Variants in FAM120AOS observed in about 807,000 individuals in gnomAD.
FAM120AOS encodes the protein uncharacterized protein FAM120AOS.
Under a neutral mutation model 20.2 loss-of-function variants are expected in FAM120AOS, and 15 were observed. The ratio of observed to expected loss-of-function variants is 0.74; its 90% CI spans 0.50 to 1.15. The LOEUF is 1.15. Among genes scored for constraint, FAM120AOS ranks in the 50% most tolerant of loss-of-function variants. The pLI is 0.00. For synonymous variants in FAM120AOS, 154 were observed against 154.0 expected, an observed-to-expected ratio of 1.00 and a Z score of 0.00; for missense variants, 327 against 351.9, an observed-to-expected ratio of 0.93 and a Z score of 0.57.
In FAM120AOS at chr9:93,452,462, A is replaced by G; in HGVS notation, c.248T>C (p.Phe83Ser). The change falls in exon 1 of 3, where the codon TTC (phenylalanine) becomes TCC (serine). Residue 83 changes from phenylalanine to serine, a missense_variant. By Grantham distance (155) the Phe-to-Ser change is radical. This residue lies in a region of FAM120AOS where 155 missense variants were observed against 128.8 expected (regional missense o/e 1.20). Transcript: ENST00000375412. The surrounding 1 kb of genome is among the most constrained non-coding windows in gnomAD (Gnocchi z 7.0). ...CCCTATCCCCCTTCCCAGGGCGCAG[A>G]ATGTCGCCCGGCCGTGGCGGCGCTG... ...CPQRRHGRAT[F>S]CALGRGIGVR... 6.5e-7 allele frequency: 1 copy of G among 1,550,112 alleles called. No homozygotes were observed. Among genetic ancestry groups the G allele is most frequent in the South Asian group, 1.2e-5 (1 of 86,054 alleles).
chr9:93,452,514 C>T lies in FAM120AOS; in HGVS notation c.196G>A (p.Ala66Thr), dbSNP rs1466973085. The change falls in exon 1 of 3, where the codon GCA (alanine) becomes ACA (threonine). Residue 66 changes from alanine (A) to threonine (T), a missense_variant. Transcript: ENST00000375412. The surrounding 1 kb of genome is among the most constrained non-coding windows in gnomAD (Gnocchi z 7.0). Reference sequence around the variant, plus strand: ...GGGCAGCGAGTTCCCCCAGCCCTTGCCCGGGATAGCCTGGCCGGGCCGGGC... The same window carrying T: ...GGGCAGCGAGTTCCCCCAGCCCTTGTCCGGGATAGCCTGGCCGGGCCGGGC... ...LQPGPARLSRARAGGTRCPQR... is the reference protein window; with the variant it reads ...LQPGPARLSRTRAGGTRCPQR... 1.3e-6 allele frequency: 2 copies of T among 1,551,044 alleles called. No homozygotes were observed. Among genetic ancestry groups the T allele is most frequent in the Non-Finnish European group, 1.7e-6 (2 of 1,153,712 alleles).
At chr9:93,450,708 T>C (rs1232319369) in intron 1 of FAM120AOS, 109 bp from the exon 2 acceptor site, 13 of 1,500,738 alleles carry the variant, frequency 8.7e-6, no homozygotes, top group Non-Finnish European at 1.2e-5. Context: ...TAATCTCTTT[T>C]TGAAAATGTT....
At chr9:93,450,885 G>C (rs978657336) in intron 1 of FAM120AOS, 2 of 959,624 alleles carry the variant, frequency 2.1e-6, no homozygotes, top group African/African-American at 3.3e-5. Flanking sequence ...CTGCAAAGGC[G>C]CACGTTTCAG....
At position 93,450,571 on chromosome 9, in the gene FAM120AOS, G is replaced by A. The variant is rs1424047307; in HGVS notation, c.592C>T (p.Arg198Ter). The A allele has an allele frequency of 6.2e-7, 1 of 1,606,572 alleles. No homozygotes were observed. The highest frequency in any genetic ancestry group is 1.7e-5 in the Admixed American group (1 of 58,554). The change falls in exon 2 of 3, where the codon CGA becomes TGA. Residue 198 changes from arginine to a stop codon, truncating the protein, a stop_gained. Transcript: ENST00000375412. LOFTEE classifies it high-confidence loss of function. ...RNLCRGAGCN[R>*]QAVAGQLLPS... Reference sequence around the variant, plus strand: ...AGCAGCTGTCCGGCCACAGCCTGTCGGTTGCATCCTGCTCCTCTACAGAGG... The same window carrying A: ...AGCAGCTGTCCGGCCACAGCCTGTCAGTTGCATCCTGCTCCTCTACAGAGG...
Position 93,453,327 on chromosome 9 carries a change from G to T in FAM120AOS, c.-618C>A. ...TCGCAGCTGGCACTGGGCCAGAGGA[G>T]AACTTCAGGACCCAGCAGTGACTGT... On this transcript the variant is annotated 5_prime_UTR_variant, in exon 1 of 3. Coordinates refer to ENST00000375412, the MANE Select transcript of FAM120AOS (RefSeq NM_198841.4). The T allele has an allele frequency of 3.0e-6, 3 of 986,588 alleles. No homozygotes were observed. The highest frequency in any genetic ancestry group is 3.6e-6 in the Non-Finnish European group (3 of 830,678). 61.1% of individuals were successfully genotyped at this position (986,588 alleles called of 1,614,324 possible). A position where few individuals can be genotyped will look rare whatever the true frequency, so the allele number is the denominator to read the frequency against.
In FAM120AOS at chr9:93,450,554, T is replaced by G; in HGVS notation, c.609A>C (p.Gly203=). 1 of 1,607,304 alleles carries G rather than the reference T, an allele frequency of 6.2e-7. No homozygotes were observed. The part of the protein sequence containing the change: ...GAGCNRQAVA[G]QLLPSTWSLH... Reference sequence around the variant, plus strand: ...GGCTCCATGTGCTGGGCAGCAGCTGTCCGGCCACAGCCTGTCGGTTGCATC... The same window carrying G: ...GGCTCCATGTGCTGGGCAGCAGCTGGCCGGCCACAGCCTGTCGGTTGCATC... The change falls in exon 2 of 3, where the codon GGA becomes GGC. Residue 203 remains glycine, a synonymous_variant. Transcript: ENST00000375412.
chr9:93,451,804 C>A, intron 1 of FAM120AOS: 10 of 933,336 alleles, frequency 1.1e-5, no homozygotes, highest in East Asian at 1.3e-4. Flanking sequence ...CCGCCCCAGT[C>A]CCCCCTAGAG....
intron 1 of FAM120AOS, chr9:93,451,090 G>A (rs1186804456): frequency 1.3e-6 from 2 of 1,550,526 alleles, no homozygotes; most frequent in African/African-American, 2.7e-5. Flanking sequence ...ATGAGCACCT[G>A]CCGCGGAACT....
intron 1 of FAM120AOS, chr9:93,451,266 G>T (rs1857165853): frequency 1.3e-6 from 2 of 1,489,104 alleles, no homozygotes; most frequent in Non-Finnish European, 1.8e-6. Flanking sequence ...CTCGGCCTCG[G>T]CTCCCCTTCA....
At chr9:93,451,114 C>T in intron 1 of FAM120AOS, 2 of 1,550,612 alleles carry the variant, frequency 1.3e-6, no homozygotes, top group South Asian at 1.2e-5. Flanking sequence ...TTCTCGCGCT[C>T]CTTCCTGCTC....
chr9:93,451,664 G>A, intron 1 of FAM120AOS: 19 of 980,430 alleles, frequency 1.9e-5, no homozygotes, highest in Non-Finnish European at 2.3e-5. Context: ...CCCCGCCCCG[G>A]CCCTCAGCCT....
At chr9:93,451,005 A>T (rs1857137520) in intron 1 of FAM120AOS, 2 of 1,541,810 alleles carry the variant, frequency 1.3e-6, no homozygotes, top group Admixed American at 2.0e-5. Flanking sequence ...CTGTACCTTC[A>T]GACATTATGG....
Position 93,447,165 on chromosome 9 carries a change from G to C in FAM120AOS, c.*446C>G, listed in dbSNP as rs1856875253. On this transcript the variant is annotated 3_prime_UTR_variant, in exon 3 of 3. Transcript: ENST00000375412. ...AAGGGCAATATGATCTGTTGCAGGA[G>C]GGTTTATAGGGTACTTAGTTACACA... The C allele has an allele frequency of 6.2e-6, 1 of 160,678 alleles. No individual in the cohort carries two copies. The highest frequency in any genetic ancestry group is 1.4e-5 in the Non-Finnish European group (1 of 72,650). The allele number at this position is 160,678 out of a possible 1,614,324, so 10.0% of individuals were successfully genotyped here. A position where few individuals can be genotyped will look rare whatever the true frequency, so the allele number is the denominator to read the frequency against.
rs1194265624 is a variant in FAM120AOS at position 93,444,217 on chromosome 9, TTTAG to T, written c.*3390_*3393del. On this transcript the variant is annotated 3_prime_UTR_variant, in exon 3 of 3. Transcript: ENST00000375412. ...CACCACGCCCAGCTAATTTTGTGTTTTTAGTAGAGACAGGGTTTCTCCATGTTGG... is the reference window on the plus strand; with the variant it reads ...CACCACGCCCAGCTAATTTTGTGTTTTAGAGACAGGGTTTCTCCATGTTGG... Among the ~76,000 whole-genome samples the T allele has an allele frequency of 6.6e-6, 1 of 152,004 alleles. No individual in the cohort carries two copies. The highest frequency in any genetic ancestry group is 1.5e-5 in the Non-Finnish European group (1 of 68,010).
chr9:93,451,554 C>T lies in FAM120AOS; in HGVS notation c.563+593G>A, dbSNP rs976752678. 10 of 985,500 alleles carry T rather than the reference C, an allele frequency of 1.0e-5. No homozygotes were observed. In the East Asian group the frequency reaches 7.9e-4, roughly 78 times the overall value. The allele number at this position is 985,500 out of a possible 1,614,324, so 61.0% of individuals were successfully genotyped here. ...CCTCCGCCGCCGCCTCCGGGAGCCCCGAGCCGCGTCCCGCCGGCGCCGCCT... is the reference window on the plus strand; with the variant it reads ...CCTCCGCCGCCGCCTCCGGGAGCCCTGAGCCGCGTCCCGCCGGCGCCGCCT... On this transcript the variant is annotated intron_variant, in intron 1 of 2. Coordinates refer to ENST00000375412, the MANE Select transcript of FAM120AOS (RefSeq NM_198841.4).
rs538793574 is a variant in FAM120AOS at position 93,446,013 on chromosome 9, C to T, written c.*1598G>A. Among the ~76,000 whole-genome samples, 4 of 151,756 alleles carry T rather than the reference C, an allele frequency of 2.6e-5. No homozygotes were observed. In the South Asian group the frequency reaches 8.3e-4, roughly 32 times the overall value. ...TCCCTCAGCTCCCAGATTGGGCCAA[C>T]TCTCCTTATACCACCACACCTGGGA... On this transcript the variant is annotated 3_prime_UTR_variant, in exon 3 of 3. Coordinates refer to ENST00000375412, the MANE Select transcript of FAM120AOS (RefSeq NM_198841.4).
At position 93,446,990 on chromosome 9, in the gene FAM120AOS, C is replaced by T. The variant is rs1564290194; in HGVS notation, c.*621G>A. 1 of 152,372 alleles carries T rather than the reference C, an allele frequency of 6.6e-6. No individual in the cohort carries two copies. Among genetic ancestry groups the T allele is most frequent in the African/African-American group, 2.4e-5 (1 of 41,404 alleles). 9.4% of individuals were successfully genotyped at this position (152,372 alleles called of 1,614,324 possible). A position where few individuals can be genotyped will look rare whatever the true frequency, so the allele number is the denominator to read the frequency against. On this transcript the variant is annotated 3_prime_UTR_variant, in exon 3 of 3. Coordinates refer to ENST00000375412, the MANE Select transcript of FAM120AOS (RefSeq NM_198841.4). Reference sequence around the variant, plus strand: ...CTGCTGGTGCTTATGAAGCAGTATCCCTACTGACAATGACCCTAGCTTAAG... The same window carrying T: ...CTGCTGGTGCTTATGAAGCAGTATCTCTACTGACAATGACCCTAGCTTAAG...
rs1856806671 is a variant in FAM120AOS, at chr9:93,445,213, T to C, written c.*2398A>G. Among the ~76,000 whole-genome samples the C allele has an allele frequency of 6.6e-6, 1 of 152,192 alleles. No individual in the cohort carries two copies. The highest frequency in any genetic ancestry group is 1.5e-5 in the Non-Finnish European group (1 of 68,026). Reference sequence around the variant, plus strand: ...CATGTTATTTGGGGATATTCAGCATTCCTTTTCCCTTCCTAAAGGTACTCA... The same window carrying C: ...CATGTTATTTGGGGATATTCAGCATCCCTTTTCCCTTCCTAAAGGTACTCA... On this transcript the variant is annotated 3_prime_UTR_variant, in exon 3 of 3. Transcript: ENST00000375412.
Position 93,453,190 on chromosome 9 carries a change from G to T in FAM120AOS, c.-481C>A. 1.0e-6 allele frequency: 1 copy of T among 1,002,410 alleles called. No homozygotes were observed. Among genetic ancestry groups the T allele is most frequent in the Non-Finnish European group, 1.2e-6 (1 of 841,604 alleles). The allele number at this position is 1,002,410 out of a possible 1,614,324, so 62.1% of individuals were successfully genotyped here. A position where few individuals can be genotyped will look rare whatever the true frequency, so the allele number is the denominator to read the frequency against. On this transcript the variant is annotated 5_prime_UTR_variant, in exon 1 of 3. Transcript: ENST00000375412. Reference sequence around the variant, plus strand: ...GAACTACGCGGGCGTGAACTCGCAGGATTTATTTTTCGGGTGCACAGTAAG... The same window carrying T: ...GAACTACGCGGGCGTGAACTCGCAGTATTTATTTTTCGGGTGCACAGTAAG...
Sources: gnomAD v4.1 joint callset for allele counts (sites outside exome capture counted in the v4.1 genomes callset) on GRCh38, gnomAD v4.1.1 for gene constraint, gnomAD v4.1.1 regional missense constraint, Gnocchi (gnomAD v3.1) non-coding constraint, MANE v1.5 for transcripts, NCBI Gene and HGNC (gene_info 2026-07-23, HGNC 2026-07-21) for gene names.